The following DEPDC5 variants were observed in gnomAD, a reference collection of about 807,000 sequenced individuals.
DEPDC5 encodes DEP domain containing 5, GATOR1 subcomplex subunit.
DEPDC5 carries 73 observed loss-of-function variants against 217.3 expected under a neutral mutation model. That is an observed-to-expected ratio of 0.34 (90% confidence interval 0.28 to 0.41). DEPDC5 has a LOEUF of 0.41. Ranked by LOEUF, DEPDC5 falls within the 10% of genes least tolerant of loss-of-function variation. The probability of loss-of-function intolerance (pLI) is 1.00; values close to 1 mark genes in which losing one functional copy is unlikely to be tolerated. For missense variants in DEPDC5, 1,675 were observed against 2,070.1 expected, an observed-to-expected ratio of 0.81 and a Z score of 3.70; for synonymous variants, 733 against 756.7, an observed-to-expected ratio of 0.97 and a Z score of 0.51.
At chr22:31,858,539 T>C (rs1361402187) in intron 32 of DEPDC5, 1 of 152,212 alleles carries the variant, frequency 6.6e-6, no homozygotes, top group African/African-American at 2.4e-5. Flanking sequence ...TGTGGTCAAA[T>C]GGTATATCTG....
chr22:31,872,638 G>A (rs978283183), intron 34 of DEPDC5, among the ~76,000 whole-genome samples: 10 of 152,332 alleles, frequency 6.6e-5, no homozygotes, highest in Non-Finnish European at 1.5e-4. Context: ...TCTTGGAAGT[G>A]GTTGGGCCTT....
intron 33 of DEPDC5, among the ~76,000 whole-genome samples, chr22:31,863,752 A>ATC (rs2092593091): frequency 6.6e-6 from 1 of 152,080 alleles, no homozygotes; most frequent in African/African-American, 2.4e-5. Context: ...GTGAAACCCC[A>ATC]TCTCTAATAA....
intron 38 of DEPDC5, among the ~76,000 whole-genome samples, chr22:31,888,505 G>A (rs1249034689): frequency 2.0e-5 from 3 of 151,650 alleles, no homozygotes; most frequent in East Asian, 3.9e-4. Flanking sequence ...ACCTGCCTTG[G>A]CCTCCCAAAG....
At chr22:31,899,903 C>T (rs905475559) in intron 40 of DEPDC5, among the ~76,000 whole-genome samples, 1 of 152,192 alleles carries the variant, frequency 6.6e-6, no homozygotes, top group Non-Finnish European at 1.5e-5. Context: ...CAGCCCTCCA[C>T]CCTTCCCCCT....
chr22:31,843,054 G>A (rs373810751), intron 27 of DEPDC5, 41 bp from the exon 28 acceptor site: 4 of 1,454,436 alleles, frequency 2.8e-6, no homozygotes, highest in Non-Finnish European at 3.8e-6. Context: ...TTATAGGAAT[G>A]AGCTTCAAAC....
rs368503325 is a variant in DEPDC5 at position 31,906,426 on chromosome 22, A to C, written c.4741A>C (p.Ile1581Leu). The change falls in exon 43 of 43, where the codon ATC becomes CTC. Residue 1581 changes from isoleucine to leucine, a missense_variant. By Grantham distance (5) the Ile-to-Leu change is conservative. Around this residue, in one of 11 missense-constraint regions of DEPDC5, gnomAD observed 49 missense variants for 74.7 expected, o/e 0.66. Coordinates refer to ENST00000651528, the MANE Select transcript of DEPDC5 (RefSeq NM_001242896.3). The surrounding 1 kb of genome is among the most constrained non-coding windows in gnomAD (Gnocchi z 5.1). ...RLLKDFTDFC[I>L]NRDNRLVTFW... Reference sequence around the variant, plus strand: ...GCTGAAGGACTTCACGGACTTCTGCATCAACCGTGACAACCGGCTGGTCAC... The same window carrying C: ...GCTGAAGGACTTCACGGACTTCTGCCTCAACCGTGACAACCGGCTGGTCAC... The C allele has an allele frequency of 6.2e-7, 1 of 1,613,954 alleles. No individual in the cohort carries two copies. Among genetic ancestry groups the C allele is most frequent in the Non-Finnish European group, 8.5e-7 (1 of 1,180,042 alleles).
At chr22:31,829,623 A>G (rs977148006) in intron 24 of DEPDC5, among the ~76,000 whole-genome samples, 12 of 152,132 alleles carry the variant, frequency 7.9e-5, no homozygotes, top group Admixed American at 5.2e-4. Flanking sequence ...CAGGCACTCA[A>G]GCGTGACTCA....
At chr22:31,866,856 T>A (rs1468252711) in intron 33 of DEPDC5, among the ~76,000 whole-genome samples, 2 of 151,246 alleles carry the variant, frequency 1.3e-5, no homozygotes, top group Non-Finnish European at 3.0e-5. Context: ...TCACATCACA[T>A]CAGTAGGTAC....
intron 12 of DEPDC5, among the ~76,000 whole-genome samples, chr22:31,795,048 A>G (rs2086081137): frequency 6.6e-6 from 1 of 150,976 alleles, no homozygotes; most frequent in African/African-American, 2.4e-5. Context: ...TAGAGATGTG[A>G]TCACACATTC....
In DEPDC5 at chr22:31,759,354, CGTTTTTTTT is replaced by C. The variant is rs1236848136; in HGVS notation, c.146+740_146+748del. The stretch of plus-strand genomic sequence containing the variant: ...ACAGGCATGAGCCACCATACCGAGC[CGTTTTTTTT>C]GTTTTTTTTGTTTTTTTTTGTTTTT... On this transcript the variant is annotated intron_variant, in intron 3 of 42. Transcript: ENST00000651528. Among the ~76,000 whole-genome samples, 58 of 149,182 alleles carry C rather than the reference CGTTTTTTTT, an allele frequency of 3.9e-4. No individual in the cohort carries two copies. In the East Asian group the frequency reaches 4.5e-3, roughly 12 times the overall value.
intron 10 of DEPDC5, among the ~76,000 whole-genome samples, chr22:31,787,814 TAAAA>T (rs373550815): frequency 0.024 from 3,038 of 127,414 alleles, 50 homozygotes; most frequent in South Asian, 0.054. Flanking sequence ...CCTGTCTCTT[TAAAA>T]AAAAAAAAAA....
intron 24 of DEPDC5, 57 bp from the exon 25 acceptor site, chr22:31,833,857 TC>T: frequency 1.4e-6 from 2 of 1,424,206 alleles, no homozygotes; most frequent in Non-Finnish European, 1.9e-6. Flanking sequence ...CCATAACTGG[TC>T]AGAACTCTTT....
Position 31,857,495 on chromosome 22 carries a change from A to G in DEPDC5, c.3206A>G (p.Gln1069Arg), listed in dbSNP as rs761678944. ...GTGCATGGTGGGAAGAGCTCCGCCCAGTCAGCCGAGAGCAGCAGCGTTGCC... is the reference window on the plus strand; with the variant it reads ...GTGCATGGTGGGAAGAGCTCCGCCCGGTCAGCCGAGAGCAGCAGCGTTGCC... ...AAVHGGKSSAQSAESSSVAMT... is the reference protein window; with the variant it reads ...AAVHGGKSSARSAESSSVAMT... The change falls in exon 32 of 43, where the codon CAG becomes CGG. Residue 1069 changes from glutamine to arginine, a missense_variant. Physicochemically the swap from Gln to Arg is conservative, Grantham distance 43. Around this residue, in one of 11 missense-constraint regions of DEPDC5, gnomAD observed 126 missense variants for 113.8 expected, o/e 1.11. Coordinates refer to ENST00000651528, the MANE Select transcript of DEPDC5 (RefSeq NM_001242896.3). 6.8e-6 allele frequency: 11 copies of G among 1,612,580 alleles called. No homozygotes were observed. The South Asian group carries it at 1.2e-4, about 18-fold the overall frequency.
At chr22:31,870,444 G>A (rs2092809505) in intron 33 of DEPDC5, 146 bp from the exon 34 acceptor site, 2 of 892,612 alleles carry the variant, frequency 2.2e-6, no homozygotes, top group South Asian at 2.6e-5. Flanking sequence ...AGGGGTAGTG[G>A]GAATGAGCAG....
intron 10 of DEPDC5, among the ~76,000 whole-genome samples, chr22:31,790,778 G>A (rs975453102): frequency 1.5e-5 from 2 of 133,356 alleles, no homozygotes; most frequent in African/African-American, 2.9e-5. Context: ...ACGGAGTCTC[G>A]CTCCGTCGCC....
chr22:31,903,960 A>G (rs1055946622), intron 41 of DEPDC5, among the ~76,000 whole-genome samples: 9 of 152,124 alleles, frequency 5.9e-5, no homozygotes. Flanking sequence ...TAGCTTTTGC[A>G]TAGGGTGGAG....
At chr22:31,809,523 C>T in intron 18 of DEPDC5, 88 bp from the exon 19 acceptor site, 9 of 1,439,910 alleles carry the variant, frequency 6.3e-6, no homozygotes, top group Middle Eastern at 1.7e-4. Context: ...GGCTGTCTTC[C>T]CTGGGAGCAG....
chr22:31,775,752 C>G (rs994489548), intron 7 of DEPDC5, among the ~76,000 whole-genome samples: 2 of 151,986 alleles, frequency 1.3e-5, no homozygotes, highest in African/African-American at 4.8e-5. Flanking sequence ...GAAAACAGCT[C>G]TGTAGAAGGC....
At chr22:31,810,268 A>G (rs2088119935) in intron 19 of DEPDC5, among the ~76,000 whole-genome samples, 1 of 152,198 alleles carries the variant, frequency 6.6e-6, no homozygotes, top group Non-Finnish European at 1.5e-5. Context: ...GCTTGCCTTT[A>G]TTTAGTGCTA....
Sources: allele counts gnomAD v4.1 joint callset (sites outside exome capture counted in the v4.1 genomes callset), GRCh38; gene constraint gnomAD v4.1.1; regional missense constraint gnomAD v4.1.1; non-coding constraint Gnocchi (gnomAD v3.1); transcripts MANE v1.5; gene names NCBI Gene and HGNC (gene_info 2026-07-23, HGNC 2026-07-21).